PRKCZ: variants seen among roughly 807,000 people sequenced by gnomAD.
PRKCZ encodes the protein protein kinase C zeta, also known as protein kinase C zeta type.
PRKCZ carries 33 observed loss-of-function variants against 79.5 expected under a neutral mutation model. The observed-to-expected ratio is 0.41, with a 90% confidence interval of 0.31 to 0.55. PRKCZ has a LOEUF of 0.55. Ranked by LOEUF, PRKCZ falls within the 20% of genes least tolerant of loss-of-function variation. PRKCZ has a pLI of 0.19. For missense variants in PRKCZ, 578 were observed against 813.5 expected, an observed-to-expected ratio of 0.71 and a Z score of 3.52; for synonymous variants, 342 against 320.9, an observed-to-expected ratio of 1.07 and a Z score of -0.70.
At chr1:2,184,394 AT>A in intron 16 of PRKCZ, 188 bp from the exon 17 acceptor site, 1 of 558,294 alleles carries the variant, frequency 1.8e-6, no homozygotes, top group East Asian at 3.1e-5. Context: ...CTCGACAACA[AT>A]TTTTCTGACT....
At chr1:2,159,249 A>T (rs1681737012) in intron 10 of PRKCZ, among the ~76,000 whole-genome samples, 1 of 152,280 alleles carries the variant, frequency 6.6e-6, no homozygotes, top group African/African-American at 2.4e-5. Context: ...CAACATCGGC[A>T]AGGCGGCCAC....
chr1:2,054,971 C>G (rs569598674), intron 1 of PRKCZ, among the ~76,000 whole-genome samples: 174 of 146,194 alleles, frequency 1.2e-3, no homozygotes, highest in African/African-American at 4.2e-3. Context: ...AATACGGAGT[C>G]TCTCTCTGTC....
intron 4 of PRKCZ, among the ~76,000 whole-genome samples, chr1:2,118,471 G>C (rs1361958758): frequency 6.6e-6 from 1 of 151,746 alleles, no homozygotes; most frequent in Admixed American, 6.6e-5. Context: ...CTGAGTAGCT[G>C]GGACTACAGG....
At chr1:2,175,557 A>T (rs1180676370) in intron 16 of PRKCZ, among the ~76,000 whole-genome samples, 1 of 93,064 alleles carries the variant, frequency 1.1e-5, no homozygotes, top group Non-Finnish European at 2.4e-5. Flanking sequence ...CCCCACTCCA[A>T]CCCCTACACC....
chr1:2,160,238 C>CGTGTGTGTGTGTGTGTGTGT (rs56068331), intron 10 of PRKCZ, among the ~76,000 whole-genome samples: 2 of 146,374 alleles, frequency 1.4e-5, no homozygotes, highest in African/African-American at 5.1e-5. Flanking sequence ...CAGCAGTGTG[C>CGTGTGTGTGTGTGTGTGTGT]GTGTGTGTGT....
chr1:2,084,926 C>T (rs563466645), intron 4 of PRKCZ, among the ~76,000 whole-genome samples: 2 of 152,154 alleles, frequency 1.3e-5, no homozygotes, highest in South Asian at 4.1e-4. Flanking sequence ...GGAGGATCGC[C>T]TGAGCCCAGG....
At chr1:2,072,980 T>TGCCAGGTCTCACTTGCCAGTGATG (rs1661742340) in intron 4 of PRKCZ, among the ~76,000 whole-genome samples, 1 of 151,984 alleles carries the variant, frequency 6.6e-6, no homozygotes, top group Non-Finnish European at 1.5e-5. Context: ...TGGAGGAAAA[T>TGCCAGGTCTCACTTGCCAGTGATG]GCCAGGTCTC....
At chr1:2,158,823 G>A (rs535523498) in intron 10 of PRKCZ, among the ~76,000 whole-genome samples, 5 of 152,258 alleles carry the variant, frequency 3.3e-5, no homozygotes, top group African/African-American at 1.2e-4. Flanking sequence ...AAGAATTGTC[G>A]TCTGTGGGGT....
rs891769644 is a variant in PRKCZ, at chr1:2,067,168, C to T, written c.334+7577C>T. On this transcript the variant is annotated intron_variant, in intron 4 of 17. Transcript: ENST00000378567. ...AATGTCTGTTTTTTGAAATCTACCGCGGCTGAGTCTGTGGCTCACTTGTGT... is the reference window on the plus strand; with the variant it reads ...AATGTCTGTTTTTTGAAATCTACCGTGGCTGAGTCTGTGGCTCACTTGTGT... 7.2e-5 allele frequency among the ~76,000 whole-genome samples: 11 copies of T among 152,280 alleles called. No homozygotes were observed. In the East Asian group the frequency reaches 1.3e-3, roughly 19 times the overall value.
chr1:2,085,188 G>A (rs1664264494), intron 4 of PRKCZ, among the ~76,000 whole-genome samples: 1 of 152,158 alleles, frequency 6.6e-6, no homozygotes, highest in Non-Finnish European at 1.5e-5. Context: ...TATTTAAAGG[G>A]AAGACAAAGA....
chr1:2,126,783 G>C (rs909744407), intron 4 of PRKCZ, among the ~76,000 whole-genome samples: 1 of 152,200 alleles, frequency 6.6e-6, no homozygotes, highest in Non-Finnish European at 1.5e-5. Context: ...TTGCCTTCCC[G>C]AGGGCCGCGG....
At chr1:2,085,257 C>T (rs763813690) in intron 4 of PRKCZ, among the ~76,000 whole-genome samples, 13 of 152,228 alleles carry the variant, frequency 8.5e-5, no homozygotes, top group East Asian at 1.9e-4. Flanking sequence ...TTGTACCATC[C>T]GCCCTACCTG....
chr1:2,164,707 T>C (rs1682993427), intron 10 of PRKCZ, among the ~76,000 whole-genome samples: 1 of 152,260 alleles, frequency 6.6e-6, no homozygotes, highest in Non-Finnish European at 1.5e-5. Flanking sequence ...TTTTTAAATT[T>C]TCCTAATTTT....
intron 4 of PRKCZ, among the ~76,000 whole-genome samples, chr1:2,088,758 C>G (rs1342725078): frequency 1.3e-5 from 2 of 152,222 alleles, no homozygotes; most frequent in African/African-American, 4.8e-5. Context: ...TCTTCACTCA[C>G]AGACTCCAGC....
At chr1:2,062,080 G>A (rs1401871257) in intron 4 of PRKCZ, among the ~76,000 whole-genome samples, 2 of 152,048 alleles carry the variant, frequency 1.3e-5, no homozygotes, top group African/African-American at 2.4e-5. Context: ...ACGGCTGGAC[G>A]TGCCTGTCTC....
At chr1:2,167,643 G>A (rs262644) in intron 10 of PRKCZ, among the ~76,000 whole-genome samples, 36,524 of 152,002 alleles carry the variant, frequency 0.24, 4,940 homozygotes, top group Admixed American at 0.33. Context: ...TTGCTCTGTC[G>A]CCCAGGCTGG....
intron 4 of PRKCZ, among the ~76,000 whole-genome samples, chr1:2,132,485 CGAA>C (rs895109138): frequency 5.9e-5 from 9 of 152,122 alleles, no homozygotes; most frequent in Admixed American, 1.3e-4. Context: ...TCCTGGGCCT[CGAA>C]GGTGTTTGGG....
At chr1:2,056,608 G>C in intron 3 of PRKCZ, 35 bp downstream of exon 3, 3 of 1,581,642 alleles carry the variant, frequency 1.9e-6, no homozygotes, top group Non-Finnish European at 2.6e-6. Flanking sequence ...CAGCTCTGGG[G>C]GGCTGTTCCT....
In PRKCZ at chr1:2,156,074, G is replaced by A. The variant is rs1680980635; in HGVS notation, c.956G>A (p.Cys319Tyr). 1 of 1,613,132 alleles carries A rather than the reference G, an allele frequency of 6.2e-7. No homozygotes were observed. The highest frequency in any genetic ancestry group is 8.5e-7 in the Non-Finnish European group (1 of 1,179,264). ...CCCTTCCTGGTCGGATTACACTCCTGCTTCCAGACGACAAGTCGGTAAGAA... is the reference window on the plus strand; with the variant it reads ...CCCTTCCTGGTCGGATTACACTCCTACTTCCAGACGACAAGTCGGTAAGAA... ...SNPFLVGLHS[C>Y]FQTTSRLFLV... is the part of the protein sequence containing the mutation. The change falls in exon 10 of 18, where the codon TGC becomes TAC. Residue 319 changes from cysteine to tyrosine, a missense_variant. Physicochemically the swap from Cys to Tyr is radical, Grantham distance 194. Coordinates refer to ENST00000378567, the MANE Select transcript of PRKCZ (RefSeq NM_002744.6).
Sources: gnomAD v4.1 joint callset for allele counts (sites outside exome capture counted in the v4.1 genomes callset) on GRCh38, gnomAD v4.1.1 for gene constraint, MANE v1.5 for transcripts, NCBI Gene and HGNC (gene_info 2026-07-23, HGNC 2026-07-21) for gene names.